PDXDC1: variants seen among roughly 807,000 people sequenced by gnomAD.
PDXDC1 encodes the protein pyridoxal dependent decarboxylase domain containing 1.
PDXDC1 carries 42 observed loss-of-function variants against 100.1 expected under a neutral mutation model. The ratio of observed to expected loss-of-function variants is 0.42; its 90% CI spans 0.33 to 0.54. The LOEUF is 0.54. Ranked by LOEUF, PDXDC1 falls within the 20% of genes least tolerant of loss-of-function variation. The pLI is 0.10. For missense variants in PDXDC1, 636 were observed against 979.2 expected, an observed-to-expected ratio of 0.65 and a Z score of 4.68; for synonymous variants, 260 against 371.7, an observed-to-expected ratio of 0.70 and a Z score of 3.46.
At chr16:15,136,330 C>A (rs2048345431) in intron 16 of PDXDC1, among the ~76,000 whole-genome samples, 1 of 152,170 alleles carries the variant, frequency 6.6e-6, no homozygotes, top group Non-Finnish European at 1.5e-5. Flanking sequence ...GCAGGGATCC[C>A]CGCGCAGGCC....
intron 16 of PDXDC1, chr16:15,104,346 G>C (rs1059239): frequency 3.4e-4 from 541 of 1,591,804 alleles, no homozygotes; most frequent in South Asian, 1.6e-3. Context: ...TTTATTCTTC[G>C]TTAGTTTCTT....
intron 5 of PDXDC1, among the ~76,000 whole-genome samples, chr16:15,004,636 C>T (rs527390086): frequency 3.9e-5 from 6 of 152,368 alleles, no homozygotes; most frequent in East Asian, 3.9e-4. Flanking sequence ...TGGCACATGT[C>T]GGTAGAAGAT....
At chr16:15,108,327 G>C in intron 16 of PDXDC1, 1 of 844,298 alleles carries the variant, frequency 1.2e-6, no homozygotes, top group Non-Finnish European at 1.4e-6. Flanking sequence ...CTAGGAAACA[G>C]GGACGAAAAC....
rs577260897 is a variant in PDXDC1 at position 15,037,723 on chromosome 16, A to C, written c.*1448A>C. 12 of 242,956 alleles carry C rather than the reference A, an allele frequency of 4.9e-5. No homozygotes were observed. The East Asian group carries it at 1.0e-3, about 21-fold the overall frequency. 15.1% of individuals were successfully genotyped at this position (242,956 alleles called of 1,614,324 possible). On this transcript the variant is annotated 3_prime_UTR_variant, in exon 23 of 23. Transcript: ENST00000396410. Reference sequence around the variant, plus strand: ...CAGTTTATAAATCTTATTACAAAAGACTTACCCACGTACCTGAAATAGCTG... The same window carrying C: ...CAGTTTATAAATCTTATTACAAAAGCCTTACCCACGTACCTGAAATAGCTG...
chr16:15,123,096 C>T (rs569892589), intron 16 of PDXDC1, among the ~76,000 whole-genome samples: 109 of 150,448 alleles, frequency 7.2e-4, no homozygotes, highest in African/African-American at 2.4e-3. Context: ...TGCTTTCCAC[C>T]AAACCTTCTT....
intron 3 of PDXDC1, among the ~76,000 whole-genome samples, chr16:15,000,664 A>G (rs1034738385): frequency 1.1e-4 from 17 of 152,284 alleles, no homozygotes; most frequent in African/African-American, 3.1e-4. Flanking sequence ...CTCCTCATGT[A>G]ATGAGCATTT....
rs773251992 is a variant in PDXDC1, at chr16:15,036,232, A to T, written c.2324A>T (p.Glu775Val). 1 of 1,614,096 alleles carries T rather than the reference A, an allele frequency of 6.2e-7. No individual in the cohort carries two copies. The highest frequency in any genetic ancestry group is 8.5e-7 in the Non-Finnish European group (1 of 1,179,964). ...TTCCAGAAAGGGGTCCCACACCCAG[A>T]AGATGACCACTCACAGGTAGAAGGA... ...EAFQKGVPHP[E>V]DDHSQVEGPE... The change falls in exon 23 of 23, where the codon GAA (glutamate) becomes GTA (valine). Residue 775 changes from glutamate to valine, a missense_variant. Transcript: ENST00000396410.
At chr16:14,983,464 T>C (rs1245967212) in intron 1 of PDXDC1, among the ~76,000 whole-genome samples, 19 of 150,550 alleles carry the variant, frequency 1.3e-4, no homozygotes, top group Admixed American at 1.2e-3. Flanking sequence ...TCCCAGCTAA[T>C]TGGGAGGCTG....
At chr16:14,996,128 C>T (rs568851627) in intron 1 of PDXDC1, among the ~76,000 whole-genome samples, 26 of 152,406 alleles carry the variant, frequency 1.7e-4, no homozygotes, top group African/African-American at 5.3e-4. Context: ...TCAGAGTCCT[C>T]CCAGGGACCT....
chr16:15,143,781 C>T (rs2048511090), downstream of PDXDC1, among the ~76,000 whole-genome samples: 1 of 152,214 alleles, frequency 6.6e-6, no homozygotes, highest in Non-Finnish European at 1.5e-5. Flanking sequence ...CAAACCAGAC[C>T]TGCCTCAGAG....
chr16:15,006,427 G>A lies in PDXDC1; in HGVS notation c.423G>A (p.Glu141=), dbSNP rs201424199. Residue 141 remains glutamate, a synonymous_variant, in exon 6 of 23, where the codon GAG becomes GAA. Coordinates refer to ENST00000396410, the MANE Select transcript of PDXDC1 (RefSeq NM_015027.4). ...ATGGGTGTGCTTATTTCCACGAAGAGGAAAGAGAAGGACTTGCAAAGATAT... is the reference window on the plus strand; with the variant it reads ...ATGGGTGTGCTTATTTCCACGAAGAAGAAAGAGAAGGACTTGCAAAGATAT... ...YENGCAYFHE[E]EREGLAKICR... 849 of 1,598,450 alleles carry A rather than the reference G, an allele frequency of 5.3e-4. No homozygotes were observed. Among genetic ancestry groups the A allele is most frequent in the Non-Finnish European group, 9.6e-5 (112 of 1,168,562 alleles).
At chr16:15,098,879 A>C (rs2046446227) in intron 16 of PDXDC1, among the ~76,000 whole-genome samples, 1 of 152,062 alleles carries the variant, frequency 6.6e-6, no homozygotes, top group Non-Finnish European at 1.5e-5. Flanking sequence ...CTCTCAAAAA[A>C]AAAGAGCAAC....
At chr16:15,058,183 T>C (rs2044591390) in intron 16 of PDXDC1, among the ~76,000 whole-genome samples, 1 of 151,966 alleles carries the variant, frequency 6.6e-6, no homozygotes, top group Non-Finnish European at 1.5e-5. Context: ...GTGGCAGGCC[T>C]GTAGTCCCAG....
intron 16 of PDXDC1, among the ~76,000 whole-genome samples, chr16:15,081,371 C>A (rs1203337326): frequency 6.6e-6 from 1 of 152,174 alleles, no homozygotes; most frequent in Non-Finnish European, 1.5e-5. Flanking sequence ...TCTCCATATC[C>A]TTGTGAACAC....
intron 16 of PDXDC1, among the ~76,000 whole-genome samples, chr16:15,046,836 CTG>C (rs1454190563): frequency 2.0e-5 from 3 of 151,564 alleles, no homozygotes; most frequent in Non-Finnish European, 2.9e-5. Context: ...GATCACACAA[CTG>C]TGCTCCAGAC....
intron 19 of PDXDC1, 183 bp from the exon 20 acceptor site, chr16:15,034,103 G>C: frequency 1.6e-6 from 1 of 607,172 alleles, no homozygotes; most frequent in Non-Finnish European, 2.9e-6. Context: ...AGGTGTGTCT[G>C]CCTAGGCCTC....
At chr16:15,124,229 G>T (rs1254090875) in intron 16 of PDXDC1, among the ~76,000 whole-genome samples, 1 of 152,174 alleles carries the variant, frequency 6.6e-6, no homozygotes, top group Non-Finnish European at 1.5e-5. Context: ...GACCAGGACA[G>T]ACCCCCACTG....
chr16:15,063,200 T>C, intron 16 of PDXDC1: 1 of 1,603,986 alleles, frequency 6.2e-7, no homozygotes, highest in Non-Finnish European at 8.5e-7. Flanking sequence ...ACTGACCTTT[T>C]TCATGGGTTT....
chr16:15,102,439 T>C (rs2046589576), intron 16 of PDXDC1, among the ~76,000 whole-genome samples: 1 of 151,014 alleles, frequency 6.6e-6, no homozygotes, highest in South Asian at 2.1e-4. Flanking sequence ...GACATGAAGT[T>C]GCCCCAGGCA....
Sources: gnomAD v4.1 joint callset for allele counts (sites outside exome capture counted in the v4.1 genomes callset) on GRCh38, gnomAD v4.1.1 for gene constraint, MANE v1.5 for transcripts, NCBI Gene and HGNC (gene_info 2026-07-23, HGNC 2026-07-21) for gene names.